RUNX3: variants seen among roughly 807,000 people sequenced by gnomAD.
RUNX3 encodes RUNX family transcription factor 3.
Under a neutral mutation model 27.7 loss-of-function variants are expected in RUNX3, and 10 were observed. The ratio of observed to expected loss-of-function variants is 0.36; its 90% CI spans 0.22 to 0.61. The LOEUF is 0.61. Ranked by LOEUF, RUNX3 falls within the 20% of genes least tolerant of loss-of-function variation. The pLI is 0.72. For missense variants in RUNX3, 469 were observed against 629.5 expected (o/e 0.75, Z 2.73); for synonymous variants, 270 against 269.2 (o/e 1.00, Z -0.03).
chr1:24,959,157 G>A (rs935166983), intron 2 of RUNX3, among the ~76,000 whole-genome samples: 3 of 152,214 alleles, frequency 2.0e-5, no homozygotes, highest in Non-Finnish European at 4.4e-5. Flanking sequence ...GGGAGCCTCC[G>A]CTTTGATGCG....
intron 2 of RUNX3, among the ~76,000 whole-genome samples, chr1:24,940,257 G>A (rs1379530370): frequency 6.6e-6 from 1 of 152,176 alleles, no homozygotes; most frequent in African/African-American, 2.4e-5. Context: ...AGTGTTAGAT[G>A]GGGCAGGGGC....
In RUNX3 at chr1:24,915,425, A is replaced by AAAAAC. The variant is rs930332335; in HGVS notation, c.544+3810_544+3814dup. ...GGCAACAGAGCAAGACTCCATCTCA[A>AAAAAC]AAAACAAAACAAAACAAAATGGGAG... On this transcript the variant is annotated intron_variant, in intron 3 of 4. Coordinates refer to ENST00000308873, the MANE Select transcript of RUNX3 (RefSeq NM_004350.3). Among the ~76,000 whole-genome samples, 20 of 152,328 alleles carry AAAAAC rather than the reference A, an allele frequency of 1.3e-4. No individual in the cohort carries two copies. In the South Asian group the frequency reaches 2.3e-3, roughly 17 times the overall value.
intron 3 of RUNX3, among the ~76,000 whole-genome samples, chr1:24,915,395 G>C (rs1640871166): frequency 6.6e-6 from 1 of 152,220 alleles, no homozygotes; most frequent in Non-Finnish European, 1.5e-5. Flanking sequence ...CTGCACTCCA[G>C]CCTGGGCAAC....
rs755330459 is a variant in RUNX3, at chr1:24,902,494, G to A, written c.876C>T (p.Leu292=). 6.9e-6 allele frequency: 11 copies of A among 1,600,418 alleles called. No individual in the cohort carries two copies. The South Asian group carries it at 1.2e-4, about 18-fold the overall frequency. ...TGGTGGCCGGCATGCCCGCCACGCT[G>A]AGGCTGCTGATGCTCGTGCCCGAGG... is the stretch of plus-strand genomic sequence containing the variant. ...ATPSGTSISS[L]SVAGMPATSR... The change falls in exon 5 of 5, where the codon CTC becomes CTT. Residue 292 remains leucine, a synonymous_variant. Transcript: ENST00000308873. The surrounding 1 kb of genome is among the most constrained non-coding windows in gnomAD (Gnocchi z 9.2).
upstream of RUNX3, among the ~76,000 whole-genome samples, chr1:24,931,249 ACTT>A (rs1641221186): frequency 6.6e-6 from 1 of 152,060 alleles, no homozygotes; most frequent in South Asian, 2.1e-4. Flanking sequence ...GTCCAACCCC[ACTT>A]CTTCTTGGGC....
In RUNX3 at chr1:24,929,814, C is replaced by A; in HGVS notation, c.55G>T (p.Ala19Ser). ...CCGCCGCCGCCGCCGCAGGGGAAGG[C>A]CGGGGAGGGAGGTGTGAAGCGGCGG... ...TSRRFTPPSP[A>S]FPCGGGGGKM... Residue 19 changes from alanine (A) to serine (S), a missense_variant, in exon 1 of 5, where the codon GCC (alanine) becomes TCC (serine). Transcript: ENST00000308873. The A allele has an allele frequency of 1.4e-6, 2 of 1,411,132 alleles. No individual in the cohort carries two copies. The highest frequency in any genetic ancestry group is 1.8e-6 in the Non-Finnish European group (2 of 1,092,456). 87.4% of individuals were successfully genotyped at this position (1,411,132 alleles called of 1,614,324 possible).
At chr1:24,906,626 C>T (rs1009433021) in intron 4 of RUNX3, among the ~76,000 whole-genome samples, 6 of 152,156 alleles carry the variant, frequency 3.9e-5, no homozygotes, top group Non-Finnish European at 7.4e-5. Context: ...TTGCTGTATC[C>T]GTCTAGGCAG....
rs1488927552 is a variant in RUNX3 at position 24,901,916 on chromosome 1, G to A, written c.*206C>T. 40 of 530,388 alleles carry A rather than the reference G, an allele frequency of 7.5e-5. No homozygotes were observed. Among genetic ancestry groups the A allele is most frequent in the Non-Finnish European group, 1.0e-4 (31 of 302,184 alleles). The allele number at this position is 530,388 out of a possible 1,614,324, so 32.9% of individuals were successfully genotyped here. A position where few individuals can be genotyped will look rare whatever the true frequency, so the allele number is the denominator to read the frequency against. ...TGGGCCGGGGGCAGTATCCCGGGCCGGGGTGGGGGTGGTAACCTATGCCTC... is the reference window on the plus strand; with the variant it reads ...TGGGCCGGGGGCAGTATCCCGGGCCAGGGTGGGGGTGGTAACCTATGCCTC... On this transcript the variant is annotated 3_prime_UTR_variant, in exon 5 of 5. Transcript: ENST00000308873.
chr1:24,959,296 C>G (rs1642037136), intron 2 of RUNX3, among the ~76,000 whole-genome samples: 1 of 152,190 alleles, frequency 6.6e-6, no homozygotes, highest in South Asian at 2.1e-4. Context: ...TCGGCTCATG[C>G]CTGCCTAGAC....
intron 3 of RUNX3, among the ~76,000 whole-genome samples, chr1:24,915,768 T>C (rs1377869308): frequency 6.8e-6 from 1 of 147,856 alleles, no homozygotes; most frequent in Non-Finnish European, 1.5e-5. Context: ...GAGCAGGATG[T>C]GGGAGGGAGG....
At chr1:24,907,565 G>A (rs1640691367) in intron 3 of RUNX3, 148 bp from the exon 4 acceptor site, 10 of 752,856 alleles carry the variant, frequency 1.3e-5, no homozygotes, top group Non-Finnish European at 2.1e-5. Flanking sequence ...CCTCTTCACA[G>A]AGGTTTTCAA....
chr1:24,910,399 G>C (rs1640774447), intron 3 of RUNX3, among the ~76,000 whole-genome samples: 2 of 152,008 alleles, frequency 1.3e-5, no homozygotes, highest in Admixed American at 1.3e-4. Flanking sequence ...AGAGGGAGAA[G>C]AGGCAAGATG....
intron 3 of RUNX3, among the ~76,000 whole-genome samples, chr1:24,908,441 GT>G (rs1439877134): frequency 6.6e-6 from 1 of 151,970 alleles, no homozygotes; most frequent in Non-Finnish European, 1.5e-5. Context: ...GAACCCAGGA[GT>G]TTGAGATCAG....
chr1:24,953,777 T>C (rs1003468590), intron 2 of RUNX3, among the ~76,000 whole-genome samples: 5 of 152,282 alleles, frequency 3.3e-5, no homozygotes, highest in Admixed American at 6.5e-5. Context: ...GAAATGCTCA[T>C]TGGAGAATTT....
At chr1:24,928,102 A>G (rs1641135118) in intron 1 of RUNX3, among the ~76,000 whole-genome samples, 1 of 152,232 alleles carries the variant, frequency 6.6e-6, no homozygotes, top group Non-Finnish European at 1.5e-5. Flanking sequence ...ACATGCTCCT[A>G]GCAACGAAGT....
upstream of RUNX3, among the ~76,000 whole-genome samples, chr1:24,932,719 T>C (rs1235629961): frequency 6.6e-6 from 1 of 152,118 alleles, no homozygotes; most frequent in African/African-American, 2.4e-5. Flanking sequence ...CCGACAAAAA[T>C]TGTCGTCTGT....
intron 2 of RUNX3, among the ~76,000 whole-genome samples, chr1:24,950,721 C>T (rs1220233987): frequency 6.6e-6 from 1 of 152,144 alleles, no homozygotes; most frequent in Admixed American, 6.5e-5. Flanking sequence ...TGCCTGTGTG[C>T]CTGCCCCTCG....
At chr1:24,921,871 C>T (rs895812906) in intron 2 of RUNX3, among the ~76,000 whole-genome samples, 6 of 152,252 alleles carry the variant, frequency 3.9e-5, no homozygotes, top group Non-Finnish European at 7.3e-5. Context: ...CATTTGAAAG[C>T]TTACTAAAAC....
intron 3 of RUNX3, among the ~76,000 whole-genome samples, chr1:24,915,794 C>A (rs1465489743): frequency 6.6e-6 from 1 of 152,074 alleles, no homozygotes; most frequent in Non-Finnish European, 1.5e-5. Flanking sequence ...GGGTAACGGG[C>A]ACAGGCTAGG....
Sources: allele counts gnomAD v4.1 joint callset (sites outside exome capture counted in the v4.1 genomes callset), GRCh38; gene constraint gnomAD v4.1.1; non-coding constraint Gnocchi (gnomAD v3.1); transcripts MANE v1.5; gene names NCBI Gene and HGNC (gene_info 2026-07-23, HGNC 2026-07-21).